Variants in TCF20 observed in about 807,000 individuals in gnomAD.
The protein encoded by TCF20 is transcription factor 20.
TCF20 carries 3 observed loss-of-function variants against 148.6 expected under a neutral mutation model. The observed-to-expected ratio is 0.02, with a 90% CI of 0.01 to 0.05. The LOEUF is 0.05. Ranked by LOEUF, TCF20 falls within the 10% of genes least tolerant of loss-of-function variation. The probability of loss-of-function intolerance (pLI) is 1.00; values close to 1 mark genes in which losing one functional copy is unlikely to be tolerated. For missense variants in TCF20, 2,350 were observed against 2,429.3 expected (o/e 0.97, Z 0.69); for synonymous variants, 1,049 against 909.5 (o/e 1.15, Z -2.76).
At chr22:42,193,270 C>G (rs1162371440) in intron 2 of TCF20, among the ~76,000 whole-genome samples, 1 of 151,318 alleles carries the variant, frequency 6.6e-6, no homozygotes, top group South Asian at 2.1e-4. Flanking sequence ...CAATACATCT[C>G]CTCCTCCTCC....
chr22:42,226,565 T>C (rs894573665), intron 1 of TCF20, among the ~76,000 whole-genome samples: 1 of 151,734 alleles, frequency 6.6e-6, no homozygotes, highest in Non-Finnish European at 1.5e-5. Flanking sequence ...ACTGGCCACA[T>C]ACGGTGGCGG....
intron 2 of TCF20, among the ~76,000 whole-genome samples, chr22:42,196,722 C>T (rs1224157890): frequency 4.6e-5 from 7 of 152,096 alleles, no homozygotes. Flanking sequence ...GATGAATATA[C>T]ATTTTACTAG....
chr22:42,267,867 C>T (rs1926375482), intron 1 of TCF20, among the ~76,000 whole-genome samples: 1 of 151,404 alleles, frequency 6.6e-6, no homozygotes, highest in Admixed American at 6.6e-5. Context: ...TGATCTAGCC[C>T]AGGCGCAGTG....
chr22:42,338,693 C>T lies in TCF20; in HGVS notation c.-37+4786G>A, dbSNP rs2147063002. 6.6e-6 allele frequency among the ~76,000 whole-genome samples: 1 copy of T among 152,366 alleles called. No homozygotes were observed. The highest frequency in any genetic ancestry group is 6.5e-5 in the Admixed American group (1 of 15,306). On this transcript the variant is annotated intron_variant, in intron 1 of 1. Transcript: ENST00000515426. The surrounding 1 kb of genome is among the most constrained non-coding windows in gnomAD (Gnocchi z 4.0). ...GACGGAGGCTGCCAGGCGGGACGGG[C>T]TGGGCACGGCACGAGGCGGCAACAA...
Position 42,210,627 on chromosome 22 carries a change from G to A in TCF20, c.4679C>T (p.Pro1560Leu), listed in dbSNP as rs1350056313. ...QKKQQQPPPPPPQPPQIPEGS... is the reference protein window; with the variant it reads ...QKKQQQPPPPLPQPPQIPEGS... The stretch of plus-strand genomic sequence containing the variant: ...TTCTGGTATCTGTGGGGGCTGAGGG[G>A]GTGGAGGCGGTGGCTGCTGCTGTTT... Residue 1560 changes from proline (P) to leucine (L), a missense_variant, in exon 2 of 6, where the codon CCC becomes CTC. Around this residue, in one of 7 missense-constraint regions of TCF20, gnomAD observed 374 missense variants for 398.3 expected, o/e 0.94. Transcript: ENST00000677622. This position sits in a 1 kb window ranked among gnomAD's most constrained non-coding sequence, Gnocchi z 4.7. The A allele has an allele frequency of 1.2e-6, 2 of 1,614,132 alleles. No homozygotes were observed. The highest frequency in any genetic ancestry group is 1.1e-5 in the South Asian group (1 of 91,066).
chr22:42,293,219 T>C (rs1460636479), intron 1 of TCF20, among the ~76,000 whole-genome samples: 1 of 152,206 alleles, frequency 6.6e-6, no homozygotes, highest in African/African-American at 2.4e-5. Flanking sequence ...TGGCTGACTC[T>C]GAGCAAACTG....
intron 2 of TCF20, among the ~76,000 whole-genome samples, chr22:42,182,696 A>G (rs1936839466): frequency 6.6e-6 from 1 of 152,236 alleles, no homozygotes; most frequent in South Asian, 2.1e-4. Context: ...CTGGAACAGC[A>G]GCATCAGCAA....
chr22:42,169,774 G>T, intron 4 of TCF20, 73 bp downstream of exon 4: 1 of 1,525,488 alleles, frequency 6.6e-7, no homozygotes, highest in Non-Finnish European at 9.0e-7. Context: ...ACCAACACCT[G>T]GTCTTCAGGT....
rs1014520606 is a variant in TCF20, at chr22:42,160,254, C to T, written c.*1149G>A. 6.6e-6 allele frequency: 1 copy of T among 152,494 alleles called. No individual in the cohort carries two copies. The highest frequency in any genetic ancestry group is 2.4e-5 in the African/African-American group (1 of 41,394). 9.4% of individuals were successfully genotyped at this position (152,494 alleles called of 1,614,324 possible). ...CAAAACAACACAACATAAAGAATCA[C>T]GTAGCATGGGGCTGCCTATCTGACA... On this transcript the variant is annotated 3_prime_UTR_variant, in exon 6 of 6. Coordinates refer to ENST00000677622, the MANE Select transcript of TCF20 (RefSeq NM_001378418.1).
At chr22:42,175,566 C>A (rs144275317) in intron 3 of TCF20, among the ~76,000 whole-genome samples, 73 of 151,894 alleles carry the variant, frequency 4.8e-4, no homozygotes, top group African/African-American at 1.6e-3. Flanking sequence ...GTCTCAATCT[C>A]CTGACCTTGT....
chr22:42,289,830 G>A (rs993068416), intron 1 of TCF20, among the ~76,000 whole-genome samples: 4 of 152,066 alleles, frequency 2.6e-5, no homozygotes, highest in Non-Finnish European at 2.9e-5. Context: ...CCCAAAGAGC[G>A]CCCCAAAGGA....
At chr22:42,171,494 C>T (rs1358119363) in intron 3 of TCF20, among the ~76,000 whole-genome samples, 1 of 152,180 alleles carries the variant, frequency 6.6e-6, no homozygotes, top group African/African-American at 2.4e-5. Context: ...GCCTGTCTTT[C>T]GTTGGAGCCC....
chr22:42,327,584 T>G (rs1271716748), intron 1 of TCF20, among the ~76,000 whole-genome samples: 2 of 151,730 alleles, frequency 1.3e-5, no homozygotes, highest in Non-Finnish European at 2.9e-5. Context: ...CCACAATAAG[T>G]CCTCACATGC....
chr22:42,257,775 T>C (rs955824558), intron 1 of TCF20, among the ~76,000 whole-genome samples: 7 of 152,230 alleles, frequency 4.6e-5, no homozygotes, highest in Admixed American at 3.9e-4. Context: ...GACCCTCACT[T>C]CTACCCCAGC....
Position 42,213,218 on chromosome 22 carries a change from A to T in TCF20, c.2088T>A (p.Thr696=). 6.2e-7 allele frequency: 1 copy of T among 1,614,176 alleles called. No individual in the cohort carries two copies. The highest frequency in any genetic ancestry group is 8.5e-7 in the Non-Finnish European group (1 of 1,180,038). ...GACTTCCAGGAGATTTGCTAGGCTC[A>T]GTTCTGCTCGTAAAACCAGGGCCCG... ...SAAGPGFTSR[T]EPSKSPGSLR... The change falls in exon 2 of 6, where the codon ACT becomes ACA. Residue 696 remains threonine, a synonymous_variant. Transcript: ENST00000677622.
intron 1 of TCF20, among the ~76,000 whole-genome samples, chr22:42,221,957 C>A (rs1922414089): frequency 6.6e-6 from 1 of 151,894 alleles, no homozygotes; most frequent in Non-Finnish European, 1.5e-5. Context: ...CCAGGATGGT[C>A]TCGATCTCCT....
At chr22:42,246,432 A>G (rs1370400816) in intron 1 of TCF20, among the ~76,000 whole-genome samples, 41 of 152,142 alleles carry the variant, frequency 2.7e-4, no homozygotes, top group Admixed American at 2.6e-3. Flanking sequence ...TTCTTTACCT[A>G]CATTGTTTCT....
At chr22:42,283,740 G>T (rs577764596) in intron 1 of TCF20, among the ~76,000 whole-genome samples, 1 of 151,740 alleles carries the variant, frequency 6.6e-6, no homozygotes, top group East Asian at 1.9e-4. Context: ...CCAGGGCAGC[G>T]CGGCGCGGCG....
At chr22:42,295,095 G>A (rs1220661931) in intron 1 of TCF20, among the ~76,000 whole-genome samples, 1 of 152,208 alleles carries the variant, frequency 6.6e-6, no homozygotes, top group Admixed American at 6.5e-5. Context: ...CACTGAGGGA[G>A]ATGACAGCGT....
Sources: gnomAD v4.1 joint callset for allele counts (sites outside exome capture counted in the v4.1 genomes callset) on GRCh38, gnomAD v4.1.1 for gene constraint, gnomAD v4.1.1 regional missense constraint, Gnocchi (gnomAD v3.1) non-coding constraint, MANE v1.5 for transcripts, NCBI Gene and HGNC (gene_info 2026-07-23, HGNC 2026-07-21) for gene names.